The following LCOR variants were observed in gnomAD, a reference collection of about 807,000 sequenced individuals.
The protein encoded by LCOR is ligand-dependent corepressor.
A neutral mutation model predicts 64.4 loss-of-function variants in LCOR; 14 were observed. The observed-to-expected ratio is 0.22, with a 90% CI of 0.14 to 0.34. The LOEUF is 0.34. Among genes scored for constraint, LCOR ranks in the 10% least tolerant of loss-of-function variants. LCOR has a pLI of 1.00. For synonymous variants in LCOR, 643 were observed against 642.5 expected (o/e 1.00, Z -0.01); for missense variants, 1,686 against 1,765.3 (o/e 0.96, Z 0.80).
At chr10:96,872,011 A>G (rs1442758299) in intron 2 of LCOR, among the ~76,000 whole-genome samples, 1 of 152,202 alleles carries the variant, frequency 6.6e-6, no homozygotes, top group Non-Finnish European at 1.5e-5. Context: ...TCCCAAATAG[A>G]TTGACATAGT....
Position 96,984,612 on chromosome 10 carries a change from G to A in LCOR, c.4152G>A (p.Lys1384=). Residue 1384 remains lysine, a synonymous_variant, in exon 8 of 8, where the codon AAG becomes AAA. Transcript: ENST00000421806. ...STEGMKGRKG[K]QVSEILPKAE... is the part of the protein sequence containing the mutation. Reference sequence around the variant, plus strand: ...AAGGAATGAAGGGAAGGAAGGGGAAGCAGGTGTCTGAAATCTTGCCTAAAG... The same window carrying A: ...AAGGAATGAAGGGAAGGAAGGGGAAACAGGTGTCTGAAATCTTGCCTAAAG... 6.2e-7 allele frequency: 1 copy of A among 1,614,242 alleles called. No individual in the cohort carries two copies.
At chr10:96,861,992 TTCCCATAAC>T (rs1304756526) in intron 2 of LCOR, among the ~76,000 whole-genome samples, 1 of 152,206 alleles carries the variant, frequency 6.6e-6, no homozygotes, top group Non-Finnish European at 1.5e-5. Context: ...CAAGTTGGGG[TTCCCATAAC>T]TCCCTCTTTG....
Position 96,944,151 on chromosome 10 carries a change from T to C in LCOR, c.-145T>C. ...GTCTGGATGAACCAGCTTCGGGAGC[T>C]GGGCAAGAAGCTCTGCTTAAACAAG... is the stretch of plus-strand genomic sequence containing the variant. On this transcript the variant is annotated 5_prime_UTR_variant, in exon 5 of 8. Transcript: ENST00000421806. The C allele has an allele frequency of 1.0e-6, 1 of 985,710 alleles. No homozygotes were observed. Among genetic ancestry groups the C allele is most frequent in the Non-Finnish European group, 1.2e-6 (1 of 829,896 alleles). 61.1% of individuals were successfully genotyped at this position (985,710 alleles called of 1,614,324 possible).
At chr10:96,904,238 A>G (rs987990626) in intron 2 of LCOR, among the ~76,000 whole-genome samples, 1 of 152,180 alleles carries the variant, frequency 6.6e-6, no homozygotes, top group Non-Finnish European at 1.5e-5. Flanking sequence ...GTTATCTTGA[A>G]GGAGAGAGAT....
chr10:96,932,235 T>C (rs1847273435), intron 4 of LCOR, among the ~76,000 whole-genome samples: 1 of 152,190 alleles, frequency 6.6e-6, no homozygotes, highest in Non-Finnish European at 1.5e-5. Context: ...AGAACTATTA[T>C]GATGATTTTA....
At chr10:96,835,140 C>A (rs1845420672) in intron 2 of LCOR, among the ~76,000 whole-genome samples, 1 of 152,204 alleles carries the variant, frequency 6.6e-6, no homozygotes, top group Non-Finnish European at 1.5e-5. Context: ...ACCTCATGAT[C>A]CGCCCGCCTC....
At chr10:96,980,163 A>AAAAC (rs769057091) in intron 7 of LCOR, among the ~76,000 whole-genome samples, 31 of 65,206 alleles carry the variant, frequency 4.8e-4, no homozygotes, top group African/African-American at 5.5e-4. Flanking sequence ...AAAACAAAAC[A>AAAAC]AAAAAAAAAA....
At chr10:96,952,558 G>A (rs1473255588) in intron 7 of LCOR, among the ~76,000 whole-genome samples, 1 of 123,056 alleles carries the variant, frequency 8.1e-6, no homozygotes, top group African/African-American at 5.6e-5. Context: ...GGTATCTCTA[G>A]TGGGGTTTGT....
intron 7 of LCOR, chr10:96,960,803 T>C (rs1180536557): frequency 6.6e-6 from 1 of 152,206 alleles, no homozygotes; most frequent in Non-Finnish European, 1.5e-5. Flanking sequence ...GAAAAAAGTA[T>C]AATTGTGGTA....
chr10:96,855,328 T>TA (rs1279353069), intron 2 of LCOR, among the ~76,000 whole-genome samples: 1 of 150,568 alleles, frequency 6.6e-6, no homozygotes, highest in Non-Finnish European at 1.5e-5. Flanking sequence ...TAAAAAAACT[T>TA]ACTCGAGCCG....
chr10:96,950,327 T>G (rs1309131169), intron 6 of LCOR, among the ~76,000 whole-genome samples: 3 of 152,134 alleles, frequency 2.0e-5, no homozygotes, highest in African/African-American at 7.2e-5. Context: ...AACATCTGAG[T>G]TCTGAGAGAT....
At chr10:96,943,893 C>A (rs1243778556) in intron 4 of LCOR, among the ~76,000 whole-genome samples, 5 of 151,964 alleles carry the variant, frequency 3.3e-5, no homozygotes, top group Non-Finnish European at 7.4e-5. Context: ...TTGAACAAAA[C>A]TCATAGTCAA....
At chr10:96,860,072 T>C (rs568336660) in intron 2 of LCOR, among the ~76,000 whole-genome samples, 2 of 152,004 alleles carry the variant, frequency 1.3e-5, no homozygotes, top group East Asian at 1.9e-4. Flanking sequence ...CAAATGAAAA[T>C]TGGATGCTGT....
At chr10:96,859,668 G>A (rs1845856978) in intron 2 of LCOR, among the ~76,000 whole-genome samples, 2 of 151,588 alleles carry the variant, frequency 1.3e-5, no homozygotes, top group Admixed American at 1.3e-4. Flanking sequence ...AGTAATTCTC[G>A]TGCCTCAGCC....
intron 7 of LCOR, among the ~76,000 whole-genome samples, chr10:96,979,926 C>G (rs1310315189): frequency 6.6e-6 from 1 of 152,136 alleles, no homozygotes; most frequent in African/African-American, 2.4e-5. Flanking sequence ...GGCGAATTGC[C>G]TGAGCTCAGG....
At chr10:96,855,484 G>A (rs1242537481) in intron 2 of LCOR, among the ~76,000 whole-genome samples, 1 of 152,106 alleles carries the variant, frequency 6.6e-6, no homozygotes, top group Non-Finnish European at 1.5e-5. Context: ...GCCCAGGCTG[G>A]AGTGCAATGA....
In LCOR at chr10:96,984,237, C is replaced by G. The variant is rs1425630454; in HGVS notation, c.3777C>G (p.Ala1259=). The change falls in exon 8 of 8, where the codon GCC becomes GCG. Residue 1259 remains alanine, a synonymous_variant. Transcript: ENST00000421806. ...ATTGGAAAATGCAGAAGCTCTGGGC[C>G]AAATTTCGAGAGAATCCTGATCAAG... ...KNNWKMQKLW[A]KFRENPDQVE... 6.2e-7 allele frequency: 1 copy of G among 1,614,094 alleles called. No individual in the cohort carries two copies. Among genetic ancestry groups the G allele is most frequent in the Admixed American group, 1.7e-5 (1 of 60,020 alleles).
rs1845629252 is a variant in LCOR, at chr10:96,846,309, C to T, written c.-330+12830C>T. Among the ~76,000 whole-genome samples, 3 of 151,872 alleles carry T rather than the reference C, an allele frequency of 2.0e-5. No homozygotes were observed. In the South Asian group the frequency reaches 6.2e-4, roughly 32 times the overall value. On this transcript the variant is annotated intron_variant, in intron 2 of 7. Transcript: ENST00000421806. ...TTGCTCTGTCACTCAGGCTGGAGTA[C>T]AGTTGTGCATTCTAGGCTCACTGCA...
chr10:96,894,511 G>C (rs1196691143), intron 2 of LCOR, among the ~76,000 whole-genome samples: 1 of 147,330 alleles, frequency 6.8e-6, no homozygotes, highest in Non-Finnish European at 1.5e-5. Flanking sequence ...GGAAGAATTT[G>C]AAAGCCAGAC....
Sources: gnomAD v4.1 joint callset for allele counts (sites outside exome capture counted in the v4.1 genomes callset) on GRCh38, gnomAD v4.1.1 for gene constraint, MANE v1.5 for transcripts, NCBI Gene and HGNC (gene_info 2026-07-23, HGNC 2026-07-21) for gene names.